The following MND1 variants were observed in gnomAD, a reference collection of about 807,000 sequenced individuals.
MND1 encodes the protein meiotic nuclear division protein 1 homolog.
Under a neutral mutation model 35.1 loss-of-function variants are expected in MND1, and 28 were observed. The observed-to-expected ratio is 0.80, with a 90% confidence interval of 0.59 to 1.09. The LOEUF is 1.09. Among genes scored for constraint, MND1 ranks in the 50% least tolerant of loss-of-function variants. The pLI, the probability that MND1 is intolerant of heterozygous loss-of-function variation, is 0.00. For synonymous variants in MND1, 69 were observed against 70.5 expected, an observed-to-expected ratio of 0.98 and a Z score of 0.11; for missense variants, 213 against 239.6, an observed-to-expected ratio of 0.89 and a Z score of 0.73.
chr4:153,405,801 C>T (rs1729483783), intron 6 of MND1, among the ~76,000 whole-genome samples: 1 of 151,976 alleles, frequency 6.6e-6, no homozygotes, highest in South Asian at 2.1e-4. Context: ...TAGAAGAAAA[C>T]AGATTTATAT....
At chr4:153,355,241 G>A (rs1368907582) in intron 2 of MND1, among the ~76,000 whole-genome samples, 1 of 152,108 alleles carries the variant, frequency 6.6e-6, no homozygotes, top group Non-Finnish European at 1.5e-5. Context: ...TATGGAATGA[G>A]ATAATCAAAG....
At chr4:153,378,039 G>A (rs1393331326) in intron 4 of MND1, among the ~76,000 whole-genome samples, 4 of 151,992 alleles carry the variant, frequency 2.6e-5, no homozygotes, top group African/African-American at 9.7e-5. Flanking sequence ...TATCTTAATC[G>A]TTTTCTATCT....
At chr4:153,352,887 G>T (rs1029860906) in intron 2 of MND1, among the ~76,000 whole-genome samples, 2 of 151,810 alleles carry the variant, frequency 1.3e-5, no homozygotes, top group African/African-American at 2.4e-5. Flanking sequence ...TAAGAACTAA[G>T]ATTTACTTGA....
At chr4:153,376,368 G>A (rs1728510768) in intron 4 of MND1, among the ~76,000 whole-genome samples, 1 of 152,100 alleles carries the variant, frequency 6.6e-6, no homozygotes, top group South Asian at 2.1e-4. Flanking sequence ...TTTTTCTAAG[G>A]AAAAGCCAGG....
At chr4:153,350,150 CTT>C (rs61450309) in intron 2 of MND1, 21 bp downstream of exon 2, 453 of 1,550,050 alleles carry the variant, frequency 2.9e-4, no homozygotes, top group Non-Finnish European at 3.9e-4. Flanking sequence ...TTCTTTAACA[CTT>C]ATAATTTTGT....
At chr4:153,368,172 T>G (rs1773703803) in intron 4 of MND1, among the ~76,000 whole-genome samples, 2 of 152,176 alleles carry the variant, frequency 1.3e-5, no homozygotes, top group South Asian at 4.1e-4. Context: ...TGTCTTCATG[T>G]TTTTTTGTTC....
intron 4 of MND1, chr4:153,381,688 A>ATT (rs1728701595): frequency 8.2e-5 from 2 of 24,464 alleles, no homozygotes; most frequent in Non-Finnish European, 1.5e-4. Flanking sequence ...ATATATATAT[A>ATT]TATATTTTTT....
At chr4:153,372,250 T>G (rs1470521163) in intron 4 of MND1, among the ~76,000 whole-genome samples, 1 of 152,000 alleles carries the variant, frequency 6.6e-6, no homozygotes, top group Non-Finnish European at 1.5e-5. Context: ...CTTGCTTGAC[T>G]CAAGGTAGCC....
intron 3 of MND1, among the ~76,000 whole-genome samples, chr4:153,358,070 A>G (rs1040815886): frequency 6.6e-6 from 1 of 152,210 alleles, no homozygotes; most frequent in Admixed American, 6.5e-5. Context: ...GGCTTCTCAC[A>G]AGTAACATTT....
intron 4 of MND1, among the ~76,000 whole-genome samples, chr4:153,384,086 C>CTTTG (rs1728781991): frequency 6.6e-6 from 1 of 152,104 alleles, no homozygotes; most frequent in Non-Finnish European, 1.5e-5. Context: ...CTGCGTAAGC[C>CTTTG]TTTGACTGTA....
chr4:153,409,764 AT>A (rs35045717), intron 7 of MND1, among the ~76,000 whole-genome samples: 52 of 150,182 alleles, frequency 3.5e-4, no homozygotes, highest in Non-Finnish European at 5.6e-4. Flanking sequence ...GGCCTTTCGG[AT>A]TTTTTTTTTC....
rs58003087 is a variant in MND1 at position 153,390,889 on chromosome 4, ATGTGTGTGTG to A, written c.277-3355_277-3346del. 1.4e-3 allele frequency among the ~76,000 whole-genome samples: 196 copies of A among 139,856 alleles called. 1 individual carries two copies. The highest frequency in any genetic ancestry group is 4.4e-3 in the African/African-American group (167 of 38,244). The allele number at this position is 139,856 out of a possible 152,430, so 91.8% of individuals were successfully genotyped here. A position where few individuals can be genotyped will look rare whatever the true frequency, so the allele number is the denominator to read the frequency against. On this transcript the variant is annotated intron_variant, in intron 4 of 7. Coordinates refer to ENST00000240488, the MANE Select transcript of MND1 (RefSeq NM_032117.4). ...CCGTCTCAAAAAAAAAGGTATATAT[ATGTGTGTGTG>A]TGTGTGTGTGTGTGTGTATATGTGT... is the stretch of plus-strand genomic sequence containing the variant.
chr4:153,399,960 G>A (rs755187419), intron 6 of MND1, among the ~76,000 whole-genome samples: 10 of 124,942 alleles, frequency 8.0e-5, no homozygotes, highest in African/African-American at 1.2e-4. Flanking sequence ...GAAGTGCAGT[G>A]CATGATCAGG....
chr4:153,359,416 G>T (rs1029900582), intron 4 of MND1, among the ~76,000 whole-genome samples: 14 of 152,128 alleles, frequency 9.2e-5, no homozygotes, highest in African/African-American at 3.1e-4. Flanking sequence ...ATATACCACA[G>T]TTTGTTTATC....
intron 4 of MND1, among the ~76,000 whole-genome samples, chr4:153,383,354 ATG>A (rs1300827794): frequency 3.9e-5 from 6 of 152,326 alleles, no homozygotes; most frequent in Non-Finnish European, 7.4e-5. Context: ...GAAAAATAGA[ATG>A]TGTTTTCTAC....
At position 153,358,473 on chromosome 4, in the gene MND1, G is replaced by C; in HGVS notation, c.128-1G>C. ...TAGAGTCTTTAAAAATTGTCTCTTA[G>C]CTGCTATGTCAGTAAAAGAAGTCCT... On this transcript the variant is annotated splice_acceptor_variant, in intron 3 of 7. Coordinates refer to ENST00000240488, the MANE Select transcript of MND1 (RefSeq NM_032117.4). LOFTEE classifies it high-confidence loss of function. 1 of 1,584,522 alleles carries C rather than the reference G, an allele frequency of 6.3e-7. No individual in the cohort carries two copies. Among genetic ancestry groups the C allele is most frequent in the Non-Finnish European group, 8.6e-7 (1 of 1,166,952 alleles).
chr4:153,365,339 CATAAA>C (rs778576742), intron 4 of MND1, among the ~76,000 whole-genome samples: 1 of 152,034 alleles, frequency 6.6e-6, no homozygotes, highest in Non-Finnish European at 1.5e-5. Context: ...ATAGATAACT[CATAAA>C]ATAAGAGAAA....
In MND1 at chr4:153,350,086, C is replaced by A; in HGVS notation, c.26C>A (p.Ala9Glu). 8.7e-6 allele frequency: 14 copies of A among 1,606,414 alleles called. No homozygotes were observed. Among genetic ancestry groups the A allele is most frequent in the Non-Finnish European group, 1.2e-5 (14 of 1,176,390 alleles). Residue 9 changes from alanine to glutamate, a missense_variant, in exon 2 of 8, where the codon GCA (alanine) becomes GAA (glutamate). Ala to Glu is a moderately radical substitution (Grantham distance 107). Coordinates refer to ENST00000240488, the MANE Select transcript of MND1 (RefSeq NM_032117.4). ...TAGTCAAAGAAAAAAGGACTGAGTGCAGAAGAAAAGAGAACTCGCATGATG... is the reference window on the plus strand; with the variant it reads ...TAGTCAAAGAAAAAAGGACTGAGTGAAGAAGAAAAGAGAACTCGCATGATG... MSKKKGLSAEEKRTRMMEI... is the reference protein window; with the variant it reads MSKKKGLSEEEKRTRMMEI...
intron 6 of MND1, among the ~76,000 whole-genome samples, chr4:153,403,312 A>C (rs1474611693): frequency 6.6e-6 from 1 of 152,224 alleles, no homozygotes. Flanking sequence ...GCAAAGACTA[A>C]GTCAGAGTTA....
Sources: gnomAD v4.1 joint callset for allele counts (sites outside exome capture counted in the v4.1 genomes callset) on GRCh38, gnomAD v4.1.1 for gene constraint, MANE v1.5 for transcripts, NCBI Gene and HGNC (gene_info 2026-07-23, HGNC 2026-07-21) for gene names.